The following FGF13 variants were observed in gnomAD, a reference collection of about 807,000 sequenced individuals.
FGF13 encodes fibroblast growth factor homologous factor 2.
In FGF13, 2 loss-of-function variants were observed where a neutral mutation model predicts 19.5. The observed-to-expected ratio is 0.10, with a 90% CI of 0.04 to 0.32. The LOEUF is 0.32. FGF13 is among the 10% of genes least tolerant of loss of function. The pLI is 1.00. For missense variants in FGF13, 113 were observed against 192.7 expected, an observed-to-expected ratio of 0.59 and a Z score of 2.45; for synonymous variants, 72 against 76.9, an observed-to-expected ratio of 0.94 and a Z score of 0.33.
chrX:138,787,718 C>A (rs1371350485), intron 3 of FGF13, among the ~76,000 whole-genome samples: 2 of 109,240 alleles, frequency 1.8e-5, no homozygotes, highest in Non-Finnish European at 3.8e-5. Flanking sequence ...TTGCCCCCCA[C>A]CCCCCAACAG....
chrX:139,158,409 C>G (rs1387462479), intron 1 of FGF13, among the ~76,000 whole-genome samples: 3 of 110,329 alleles, frequency 2.7e-5, no homozygotes, highest in African/African-American at 6.6e-5. Context: ...ACCTGGGACA[C>G]TCCAGCTTGG....
chrX:139,002,475 C>T (rs1039565945), intron 1 of FGF13, among the ~76,000 whole-genome samples: 17 of 111,191 alleles, frequency 1.5e-4, no homozygotes, highest in Non-Finnish European at 3.0e-4. Flanking sequence ...AAGGCAAGTC[C>T]TAGTGCTAAA....
At chrX:139,148,979 C>T (rs920471574) in intron 1 of FGF13, among the ~76,000 whole-genome samples, 1 of 111,257 alleles carries the variant, frequency 9.0e-6, no homozygotes, top group African/African-American at 3.3e-5. Context: ...GCCCCCAATA[C>T]CAAATCTTAA....
At chrX:138,671,623 C>CAAT (rs1035108740) in intron 3 of FGF13, among the ~76,000 whole-genome samples, 4 of 110,956 alleles carry the variant, frequency 3.6e-5, no homozygotes, top group African/African-American at 1.3e-4. Flanking sequence ...TAGAGGAAGA[C>CAAT]AATAAACAAA....
chrX:139,054,861 A>AGT (rs2092315465), intron 1 of FGF13, among the ~76,000 whole-genome samples: 1 of 81,964 alleles, frequency 1.2e-5, no homozygotes. Flanking sequence ...TATATTCCTA[A>AGT]GTGTTGTGTT....
intron 1 of FGF13, among the ~76,000 whole-genome samples, chrX:138,979,178 A>T (rs2091953288): frequency 8.9e-6 from 1 of 111,993 alleles, no homozygotes; most frequent in Non-Finnish European, 1.9e-5. Flanking sequence ...GAAAAACCCC[A>T]CTGTGACTGG....
intron 3 of FGF13, among the ~76,000 whole-genome samples, chrX:138,805,032 C>A (rs964236883): frequency 9.0e-6 from 1 of 111,541 alleles, no homozygotes; most frequent in Non-Finnish European, 1.9e-5. Context: ...ATAAAACTAT[C>A]TTATAAAAAT....
At chrX:139,055,790 C>A (rs1169230880) in intron 1 of FGF13, among the ~76,000 whole-genome samples, 1 of 112,526 alleles carries the variant, frequency 8.9e-6, no homozygotes, top group Non-Finnish European at 1.9e-5. Flanking sequence ...TTCCACCAAT[C>A]TTCAAGATGA....
Position 138,627,587 on chromosome X carries a change from GTGTGTGTGCC to G in FGF13, c.*5253_*5262del, listed in dbSNP as rs1354916526. On this transcript the variant is annotated 3_prime_UTR_variant, in exon 5 of 5. Coordinates refer to ENST00000315930, the MANE Select transcript of FGF13 (RefSeq NM_004114.5). ...GAGTTCTTTTGGAGGCCCATCTAGTGTGTGTGTGCCTGTGTGTGTGTGTGTGTGTGTGTGT... is the reference window on the plus strand; with the variant it reads ...GAGTTCTTTTGGAGGCCCATCTAGTGTGTGTGTGTGTGTGTGTGTGTGTGT... 1.1e-5 allele frequency: 1 copy of G among 87,389 alleles called. No homozygotes were observed. The highest frequency in any genetic ancestry group is 2.2e-5 in the Non-Finnish European group (1 of 45,460). 7.2% of individuals were successfully genotyped at this position (87,389 alleles called of 1,213,427 possible).
intron 1 of FGF13, among the ~76,000 whole-genome samples, chrX:138,895,883 A>T (rs2124201892): frequency 8.9e-6 from 1 of 112,209 alleles, no homozygotes; most frequent in African/African-American, 3.2e-5. Context: ...ACTTAGGCTA[A>T]GTGAAATAAG....
chrX:138,802,334 T>G (rs2090836032), intron 3 of FGF13, among the ~76,000 whole-genome samples: 1 of 110,913 alleles, frequency 9.0e-6, no homozygotes, highest in Admixed American at 9.6e-5. Flanking sequence ...CGGCTTCCCT[T>G]GGCTGGGGGA....
chrX:138,677,282 C>G (rs987297820), intron 3 of FGF13, among the ~76,000 whole-genome samples: 3 of 110,597 alleles, frequency 2.7e-5, no homozygotes, highest in African/African-American at 9.9e-5. Flanking sequence ...GACTTCATGT[C>G]TAAAACACCA....
chrX:139,131,877 A>T (rs947745908), intron 1 of FGF13, among the ~76,000 whole-genome samples: 2 of 111,985 alleles, frequency 1.8e-5, no homozygotes, highest in African/African-American at 6.5e-5. Flanking sequence ...CTTTGCTACC[A>T]GTCTATTCAT....
intron 3 of FGF13, among the ~76,000 whole-genome samples, chrX:138,749,578 T>A (rs1415360940): frequency 9.0e-6 from 1 of 110,937 alleles, no homozygotes; most frequent in East Asian, 2.9e-4. Context: ...AGGGTGAAAA[T>A]GTGCTGGGCT....
At chrX:138,810,425 C>A (rs1468566038) in intron 3 of FGF13, among the ~76,000 whole-genome samples, 1 of 111,356 alleles carries the variant, frequency 9.0e-6, no homozygotes, top group Admixed American at 9.5e-5. Flanking sequence ...CTTCCTTACA[C>A]CTTATACAAA....
chrX:139,065,481 CAA>C (rs767805587), intron 1 of FGF13, among the ~76,000 whole-genome samples: 10 of 30,737 alleles, frequency 3.3e-4, no homozygotes, highest in Middle Eastern at 0.024. Flanking sequence ...AAACGGAAAG[CAA>C]AAAAAAAAAA....
chrX:138,960,011 G>A (rs1363255264), intron 1 of FGF13, among the ~76,000 whole-genome samples: 1 of 111,850 alleles, frequency 8.9e-6, no homozygotes, highest in Non-Finnish European at 1.9e-5. Context: ...GGGGCATTTA[G>A]CCCATTTACA....
chrX:139,019,010 C>T (rs1469452061), intron 1 of FGF13, among the ~76,000 whole-genome samples: 1 of 111,483 alleles, frequency 9.0e-6, no homozygotes, highest in Non-Finnish European at 1.9e-5. Context: ...TAGGCAACCA[C>T]TGATCTATTT....
At chrX:139,144,755 GA>G (rs2083873932) in intron 1 of FGF13, among the ~76,000 whole-genome samples, 1 of 110,860 alleles carries the variant, frequency 9.0e-6, no homozygotes, top group African/African-American at 3.3e-5. Flanking sequence ...AAAAATAATT[GA>G]GATGTGGCAG....
Sources: gnomAD v4.1 joint callset for allele counts (sites outside exome capture counted in the v4.1 genomes callset) on GRCh38, gnomAD v4.1.1 for gene constraint, MANE v1.5 for transcripts, NCBI Gene and HGNC (gene_info 2026-07-23, HGNC 2026-07-21) for gene names.